Variants in PHF24 observed in about 807,000 individuals in gnomAD.
The protein encoded by PHF24 is PHD finger protein 24, also known as Galpha inhibitory interacting protein.
A neutral mutation model predicts 42.6 loss-of-function variants in PHF24; 25 were observed. That is an observed-to-expected ratio of 0.59 (90% CI 0.43 to 0.82). PHF24 has a LOEUF of 0.82. PHF24 is among the 40% of genes least tolerant of loss of function. The probability of loss-of-function intolerance (pLI) is 0.00; values close to 1 mark genes in which losing one functional copy is unlikely to be tolerated. For missense variants in PHF24, 470 were observed against 538.1 expected, an observed-to-expected ratio of 0.87 and a Z score of 1.25; for synonymous variants, 185 against 204.8, an observed-to-expected ratio of 0.90 and a Z score of 0.83.
chr9:34,765,935 T>G, the PHF24 span, among the ~76,000 whole-genome samples: 21 of 151,708 alleles, frequency 1.4e-4, no homozygotes, highest in African/African-American at 4.6e-4. Context: ...GTCTGTAAAG[T>G]ATTTTATTTC....
chr9:34,814,795 C>A, the PHF24 span, among the ~76,000 whole-genome samples: 1 of 152,212 alleles, frequency 6.6e-6, no homozygotes, highest in South Asian at 2.1e-4. Context: ...GGCTGGAGTA[C>A]AGTGGCACGA....
the PHF24 span, among the ~76,000 whole-genome samples, chr9:34,816,513 A>C: frequency 6.6e-6 from 1 of 152,176 alleles, no homozygotes; most frequent in Non-Finnish European, 1.5e-5. Flanking sequence ...TAGGAATTCC[A>C]AGATCAAGAT....
Position 34,966,081 on chromosome 9 carries a change from A to C in PHF24, c.-4-5214A>C, listed in dbSNP as rs560075511. Among the ~76,000 whole-genome samples the C allele has an allele frequency of 2.0e-5, 3 of 152,220 alleles. No individual in the cohort carries two copies. The South Asian group carries it at 6.2e-4, about 31-fold the overall frequency. ...CCCTAAGAACAAAGAAGATACTGTC[A>C]AACTCACTGTTTTGTAGTCTATGTC... On this transcript the variant is annotated intron_variant, in intron 1 of 7. Coordinates refer to ENST00000242315, the Ensembl canonical transcript of PHF24.
At chr9:34,819,534 C>T in the PHF24 span, among the ~76,000 whole-genome samples, 1 of 151,820 alleles carries the variant, frequency 6.6e-6, no homozygotes, top group African/African-American at 2.4e-5. Context: ...ATTTTTAATT[C>T]TCCTTTTGAG....
At chr9:34,972,216 C>T in intron 2 of PHF24, 130 bp from the exon 3 acceptor site, 1 of 757,206 alleles carries the variant, frequency 1.3e-6, no homozygotes. Flanking sequence ...ACAATGGCTT[C>T]AGTTGGGGCT....
chr9:34,849,929 C>T, the PHF24 span, among the ~76,000 whole-genome samples: 1 of 152,074 alleles, frequency 6.6e-6, no homozygotes, highest in Non-Finnish European at 1.5e-5. Context: ...GAATATTGGC[C>T]CCCACTCTCT....
the PHF24 span, chr9:34,729,160 T>G: frequency 1.7e-6 from 2 of 1,183,506 alleles, no homozygotes; most frequent in Non-Finnish European, 2.3e-6. Flanking sequence ...AAGAAAAGTA[T>G]TACACAAAGG....
intron 5 of PHF24, 150 bp downstream of exon 5, chr9:34,976,890 G>A: frequency 1.1e-6 from 1 of 906,550 alleles, no homozygotes; most frequent in Non-Finnish European, 1.7e-6. Context: ...CAGATGATCT[G>A]GTGCCCAGGC....
the PHF24 span, among the ~76,000 whole-genome samples, chr9:34,810,664 C>G: frequency 6.6e-6 from 1 of 152,192 alleles, no homozygotes; most frequent in Non-Finnish European, 1.5e-5. Flanking sequence ...GAGTGACTTC[C>G]CACGGCTCCA....
At chr9:34,921,220 A>T in the PHF24 span, among the ~76,000 whole-genome samples, 1 of 151,814 alleles carries the variant, frequency 6.6e-6, no homozygotes, top group South Asian at 2.1e-4. Context: ...ATTTACATGA[A>T]TTTAATACAC....
the PHF24 span, among the ~76,000 whole-genome samples, chr9:34,830,672 C>A: frequency 1.3e-5 from 2 of 152,044 alleles, no homozygotes; most frequent in Admixed American, 1.3e-4. Flanking sequence ...GAGGCTCGAC[C>A]GAAAAGGTAG....
At chr9:34,799,242 A>C in the PHF24 span, among the ~76,000 whole-genome samples, 1 of 152,196 alleles carries the variant, frequency 6.6e-6, no homozygotes, top group Non-Finnish European at 1.5e-5. Context: ...TATTCTGGGC[A>C]CTTGGGCTTT....
the PHF24 span, among the ~76,000 whole-genome samples, chr9:34,909,849 CATCTT>C: frequency 7.2e-5 from 11 of 152,210 alleles, no homozygotes; most frequent in South Asian, 1.0e-3. Context: ...GTCTGGATCT[CATCTT>C]CTGACCTCGT....
chr9:34,960,137 G>A (rs570274478), intron 1 of PHF24, among the ~76,000 whole-genome samples: 1 of 152,300 alleles, frequency 6.6e-6, no homozygotes, highest in East Asian at 1.9e-4. Context: ...TCAACTTTGA[G>A]CTCCAAGGAT....
the PHF24 span, among the ~76,000 whole-genome samples, chr9:34,875,224 T>TC: frequency 1.1e-4 from 17 of 152,298 alleles, no homozygotes; most frequent in African/African-American, 4.1e-4. Context: ...CTCTTAAGCT[T>TC]GAGAATTCTG....
the PHF24 span, among the ~76,000 whole-genome samples, chr9:34,891,281 G>A: frequency 3.3e-5 from 5 of 152,260 alleles, no homozygotes; most frequent in South Asian, 2.1e-4. Flanking sequence ...GGACAGGGGC[G>A]CCAAGTTGCT....
At chr9:34,909,403 T>G in the PHF24 span, among the ~76,000 whole-genome samples, 1 of 152,056 alleles carries the variant, frequency 6.6e-6, no homozygotes, top group Non-Finnish European at 1.5e-5. Context: ...CTATGGACCA[T>G]TGACATTTCA....
intron 1 of PHF24, among the ~76,000 whole-genome samples, chr9:34,965,206 T>C (rs1826726121): frequency 6.6e-6 from 1 of 152,248 alleles, no homozygotes; most frequent in South Asian, 2.1e-4. Flanking sequence ...TTTTTGGATA[T>C]TTCAGCACAC....
chr9:34,803,201 C>T, the PHF24 span, among the ~76,000 whole-genome samples: 1 of 152,150 alleles, frequency 6.6e-6, no homozygotes, highest in African/African-American at 2.4e-5. Flanking sequence ...CAGGTGGTGA[C>T]CCAGTATTAG....
Sources: gnomAD v4.1 joint callset for allele counts (sites outside exome capture counted in the v4.1 genomes callset) on GRCh38, gnomAD v4.1.1 for gene constraint, MANE v1.5 for transcripts, NCBI Gene and HGNC (gene_info 2026-07-23, HGNC 2026-07-21) for gene names.